The following KCNMB1 variants were observed in gnomAD, a reference collection of about 807,000 sequenced individuals.
KCNMB1 encodes potassium calcium-activated channel subfamily M regulatory beta subunit 1, also known as calcium-activated potassium channel subunit beta-1.
A neutral mutation model predicts 21.7 loss-of-function variants in KCNMB1; 22 were observed. The ratio of observed to expected loss-of-function variants is 1.01; its 90% CI spans 0.72 to 1.45. The LOEUF (loss-of-function observed/expected upper bound fraction) is 1.45. KCNMB1 is among the 40% of genes most tolerant of loss of function. The pLI, the probability that KCNMB1 is intolerant of heterozygous loss-of-function variation, is 0.00. For synonymous variants in KCNMB1, 114 were observed against 107.6 expected (o/e 1.06, Z -0.37); for missense variants, 243 against 243.4 (o/e 1.00, Z 0.01).
rs750135225 is a variant in KCNMB1, at chr5:170,378,949, C to T, written c.331G>A (p.Asp111Asn). The T allele has an allele frequency of 2.5e-6, 4 of 1,613,992 alleles. No individual in the cohort carries two copies. The African/African-American group carries it at 4.0e-5, about 16-fold the overall frequency. The change falls in exon 4 of 4, where the codon GAC (aspartate) becomes AAC (asparagine). Residue 111 changes from aspartate to asparagine, a missense_variant. Physicochemically the swap from Asp to Asn is conservative, Grantham distance 23. Coordinates refer to ENST00000274629, the MANE Select transcript of KCNMB1 (RefSeq NM_004137.4). The stretch of plus-strand genomic sequence containing the variant: ...TCGGCCCGGGCCGTCTGGTAATTGT[C>T]CACGCTGCCTGGGATGTAGGAGCAC... ...QQCSYIPGSV[D>N]NYQTARADVE... is the part of the protein sequence containing the mutation.
rs1445480749 is a variant in KCNMB1 at position 170,376,104 on chromosome 5, A to C, written c.*2600T>G. On this transcript the variant is annotated 3_prime_UTR_variant, in exon 4 of 4. Transcript: ENST00000274629. ...TAAGCACCCATACATGCCAGATAAC[A>C]TTGTCAGTATAACTTCTGGAAGTTT... The C allele has an allele frequency of 6.8e-6, 1 of 146,270 alleles. No homozygotes were observed. Among genetic ancestry groups the C allele is most frequent in the Non-Finnish European group, 1.5e-5 (1 of 67,058 alleles). The allele number at this position is 146,270 out of a possible 1,614,324, so 9.1% of individuals were successfully genotyped here. A position where few individuals can be genotyped will look rare whatever the true frequency, so the allele number is the denominator to read the frequency against.
chr5:170,381,785 C>T (rs912241412), intron 3 of KCNMB1, among the ~76,000 whole-genome samples: 14 of 152,212 alleles, frequency 9.2e-5, no homozygotes, highest in Admixed American at 3.3e-4. Flanking sequence ...ATATCACTCC[C>T]GGAGAATGTT....
In KCNMB1 at chr5:170,378,721, G is replaced by A; in HGVS notation, c.559C>T (p.Leu187=). 6.2e-7 allele frequency: 1 copy of A among 1,612,444 alleles called. No individual in the cohort carries two copies. The highest frequency in any genetic ancestry group is 8.5e-7 in the Non-Finnish European group (1 of 1,179,248). ...MVKSNQYLSI[L]AAQK ...GGATGGCTCTACTTCTGGGCCGCCA[G>A]GATGGACAGGTACTGGTTGCTCTTC... Residue 187 remains leucine (L), a synonymous_variant, in exon 4 of 4, where the codon CTG becomes TTG. Coordinates refer to ENST00000274629, the MANE Select transcript of KCNMB1 (RefSeq NM_004137.4).
rs1383749227 is a variant in KCNMB1, at chr5:170,376,147, A to ATTT, written c.*2556_*2557insAAA. On this transcript the variant is annotated 3_prime_UTR_variant, in exon 4 of 4. Coordinates refer to ENST00000274629, the MANE Select transcript of KCNMB1 (RefSeq NM_004137.4). ...GGAAGTTTCTGAGTATTCATGACTT[A>ATTT]TTCTTTTTTTTTTTTTTTTTTTTTT... The ATTT allele has an allele frequency of 5.2e-5, 5 of 96,492 alleles. No individual in the cohort carries two copies. Among genetic ancestry groups the ATTT allele is most frequent in the Non-Finnish European group, 8.6e-5 (4 of 46,252 alleles). 6.0% of individuals were successfully genotyped at this position (96,492 alleles called of 1,614,324 possible). A position where few individuals can be genotyped will look rare whatever the true frequency, so the allele number is the denominator to read the frequency against.
intron 3 of KCNMB1, among the ~76,000 whole-genome samples, chr5:170,381,567 C>T (rs746802942): frequency 2.0e-5 from 3 of 152,198 alleles, no homozygotes; most frequent in Non-Finnish European, 2.9e-5. Context: ...GGCAAAAACA[C>T]GAAGGGCATT....
chr5:170,382,457 G>T (rs1764279937), intron 3 of KCNMB1, among the ~76,000 whole-genome samples: 2 of 152,142 alleles, frequency 1.3e-5, no homozygotes, highest in South Asian at 4.2e-4. Context: ...ACCTTAGTCT[G>T]CCCTGACAGC....
At position 170,378,040 on chromosome 5, in the gene KCNMB1, C is replaced by A. The variant is rs1014716789; in HGVS notation, c.*664G>T. 6.6e-6 allele frequency: 1 copy of A among 152,038 alleles called. No homozygotes were observed. The highest frequency in any genetic ancestry group is 6.6e-5 in the Admixed American group (1 of 15,256). 9.4% of individuals were successfully genotyped at this position (152,038 alleles called of 1,614,324 possible). A position where few individuals can be genotyped will look rare whatever the true frequency, so the allele number is the denominator to read the frequency against. On this transcript the variant is annotated 3_prime_UTR_variant, in exon 4 of 4. Coordinates refer to ENST00000274629, the MANE Select transcript of KCNMB1 (RefSeq NM_004137.4). ...TGATTAAAAGCAAACGAAACACACC[C>A]TTCCTATAATCAAAAATTTAGAAAA...
rs1764121289 is a variant in KCNMB1, at chr5:170,378,910, T to A, written c.370A>T (p.Arg124Ter). ...ACCTGCTGCTCTTGGAATTTGGCTC[T>A]GACCTTCTCCACGTCGGCCCGGGCC... ...QTARADVEKV[R>*]AKFQEQQVFY... Residue 124 changes from arginine (R) to a stop codon, truncating the protein, a stop_gained, in exon 4 of 4, where the codon AGA (arginine) becomes TGA (stop). Transcript: ENST00000274629. LOFTEE classifies it high-confidence loss of function. 5.0e-6 allele frequency: 8 copies of A among 1,614,240 alleles called. No homozygotes were observed. In the South Asian group the frequency reaches 8.8e-5, roughly 18 times the overall value.
rs1237393839 is a variant in KCNMB1, at chr5:170,375,346, G to A, written c.*3358C>T. On this transcript the variant is annotated 3_prime_UTR_variant, in exon 4 of 4. Transcript: ENST00000274629. ...GGGAATGATGAGCTGCCTGCCTTTG[G>A]AAGGAAGGTCCACCAGGTAAGAAAC... 2 of 152,236 alleles carry A rather than the reference G, an allele frequency of 1.3e-5. No homozygotes were observed. The highest frequency in any genetic ancestry group is 2.9e-5 in the Non-Finnish European group (2 of 68,030). The allele number at this position is 152,236 out of a possible 1,614,324, so 9.4% of individuals were successfully genotyped here. A position where few individuals can be genotyped will look rare whatever the true frequency, so the allele number is the denominator to read the frequency against.
chr5:170,376,474 G>A lies in KCNMB1; in HGVS notation c.*2230C>T, dbSNP rs1029163526. The A allele has an allele frequency of 3.3e-5, 5 of 152,050 alleles. No homozygotes were observed. The highest frequency in any genetic ancestry group is 9.7e-5 in the African/African-American group (4 of 41,388). 9.4% of individuals were successfully genotyped at this position (152,050 alleles called of 1,614,324 possible). A position where few individuals can be genotyped will look rare whatever the true frequency, so the allele number is the denominator to read the frequency against. On this transcript the variant is annotated 3_prime_UTR_variant, in exon 4 of 4. Coordinates refer to ENST00000274629, the MANE Select transcript of KCNMB1 (RefSeq NM_004137.4). ...CACCACGCCCGGCCGACTTTTTCTT[G>A]TTACTAACAATAGCTCTTTTTCCCT...
rs1432627443 is a variant in KCNMB1, at chr5:170,383,856, G to A, written c.135-6C>T. The A allele has an allele frequency of 3.7e-6, 6 of 1,613,442 alleles. No individual in the cohort carries two copies. The African/African-American group carries it at 4.0e-5, about 11-fold the overall frequency. ...TGGATTCCTGGGTCCACACGCTGAGGAGACCACACACATGCACACATACAC... is the reference window on the plus strand; with the variant it reads ...TGGATTCCTGGGTCCACACGCTGAGAAGACCACACACATGCACACATACAC... On this transcript the variant is annotated splice_region_variant and splice_polypyrimidine_tract_variant and intron_variant, in intron 2 of 3. Coordinates refer to ENST00000274629, the MANE Select transcript of KCNMB1 (RefSeq NM_004137.4).
At chr5:170,384,612 G>A (rs1279514191) in intron 2 of KCNMB1, among the ~76,000 whole-genome samples, 8 of 152,324 alleles carry the variant, frequency 5.3e-5, no homozygotes, top group African/African-American at 1.9e-4. Context: ...GTCAGAAGGG[G>A]GCTGTCAGCT....
At chr5:170,386,741 A>G (rs1764489872) in intron 1 of KCNMB1, among the ~76,000 whole-genome samples, 1 of 151,904 alleles carries the variant, frequency 6.6e-6, no homozygotes, top group Non-Finnish European at 1.5e-5. Flanking sequence ...AGAAGAAAGA[A>G]GGCATCATGG....
In KCNMB1 at chr5:170,376,358, T is replaced by G. The variant is rs2113319556; in HGVS notation, c.*2346A>C. 6.6e-6 allele frequency: 1 copy of G among 151,932 alleles called. No homozygotes were observed. Among genetic ancestry groups the G allele is most frequent in the South Asian group, 2.1e-4 (1 of 4,800 alleles). The allele number at this position is 151,932 out of a possible 1,614,324, so 9.4% of individuals were successfully genotyped here. A position where few individuals can be genotyped will look rare whatever the true frequency, so the allele number is the denominator to read the frequency against. On this transcript the variant is annotated 3_prime_UTR_variant, in exon 4 of 4. Transcript: ENST00000274629. Reference sequence around the variant, plus strand: ...TTTCTATTTTTTAGTAGAGACAGGGTTTCACCGTGTTAGCCAGGATGGTCT... The same window carrying G: ...TTTCTATTTTTTAGTAGAGACAGGGGTTCACCGTGTTAGCCAGGATGGTCT...
At position 170,378,692 on chromosome 5, in the gene KCNMB1, G is replaced by A. The variant is rs1764107580; in HGVS notation, c.*12C>T. On this transcript the variant is annotated 3_prime_UTR_variant, in exon 4 of 4. Transcript: ENST00000274629. The stretch of plus-strand genomic sequence containing the variant: ...TGTGCCCTGACAAGTGGTATGGCAT[G>A]GATGGATGGCTCTACTTCTGGGCCG... 14 of 1,600,658 alleles carry A rather than the reference G, an allele frequency of 8.7e-6. No individual in the cohort carries two copies. The highest frequency in any genetic ancestry group is 1.1e-5 in the Non-Finnish European group (13 of 1,173,856).
intron 1 of KCNMB1, among the ~76,000 whole-genome samples, chr5:170,387,974 A>T (rs952248581): frequency 6.6e-6 from 1 of 152,192 alleles, no homozygotes; most frequent in African/African-American, 2.4e-5. Flanking sequence ...GGGGAACTGG[A>T]TCGCACCTGT....
intron 2 of KCNMB1, 68 bp from the exon 3 acceptor site, chr5:170,383,918 A>G: frequency 6.5e-7 from 1 of 1,527,124 alleles, no homozygotes; most frequent in Non-Finnish European, 8.9e-7. Flanking sequence ...CACCCATTTG[A>G]ACCCATTATC....
At chr5:170,381,200 G>T (rs1206550398) in intron 3 of KCNMB1, among the ~76,000 whole-genome samples, 3 of 152,122 alleles carry the variant, frequency 2.0e-5, no homozygotes, top group Non-Finnish European at 4.4e-5. Flanking sequence ...ACTCTTCATG[G>T]CCAAACCCAG....
At chr5:170,383,562 G>T in intron 3 of KCNMB1, 117 bp downstream of exon 3, 1 of 1,139,480 alleles carries the variant, frequency 8.8e-7, no homozygotes, top group Non-Finnish European at 1.3e-6. Flanking sequence ...CATTCCAGCT[G>T]TGAGACCTGG....
Sources: allele counts gnomAD v4.1 joint callset (sites outside exome capture counted in the v4.1 genomes callset), GRCh38; gene constraint gnomAD v4.1.1; transcripts MANE v1.5; gene names NCBI Gene and HGNC (gene_info 2026-07-23, HGNC 2026-07-21).